FANK1: variants seen among roughly 807,000 people sequenced by gnomAD.
FANK1 encodes the protein fibronectin type III and ankyrin repeat domains 1, also known as fibronectin type 3 and ankyrin repeat domains protein 1.
FANK1 carries 44 observed loss-of-function variants against 45.3 expected under a neutral mutation model. The observed-to-expected ratio is 0.97, with a 90% CI of 0.76 to 1.25. The LOEUF is 1.25. FANK1 is among the 50% of genes most tolerant of loss of function. The probability of loss-of-function intolerance (pLI) is 0.00; values close to 1 mark genes in which losing one functional copy is unlikely to be tolerated. For synonymous variants in FANK1, 149 were observed against 152.5 expected (o/e 0.98, Z 0.17); for missense variants, 391 against 424.4 (o/e 0.92, Z 0.69).
At position 125,995,510 on chromosome 10, in the gene FANK1, CTGT is replaced by C; in HGVS notation, c.398+13_398+15del. 6.2e-7 allele frequency: 1 copy of C among 1,613,490 alleles called. No homozygotes were observed. The highest frequency in any genetic ancestry group is 8.5e-7 in the Non-Finnish European group (1 of 1,179,486). ...ATACTTCAAGGAGGGTGAGAGAACT[CTGT>C]CAGTTGTTTTTTTTCCCCCATGCCT... On this transcript the variant is annotated intron_variant, in intron 4 of 10. Coordinates refer to ENST00000368693, the MANE Select transcript of FANK1 (RefSeq NM_145235.5).
chr10:125,909,686 CTTTTTT>C (rs34854157), intron 1 of FANK1, among the ~76,000 whole-genome samples: 2 of 103,266 alleles, frequency 1.9e-5, no homozygotes, highest in Admixed American at 2.1e-4. Flanking sequence ...GACCAATTAA[CTTTTTT>C]TTTTTTTTTT....
At position 126,009,499 on chromosome 10, in the gene FANK1, A is replaced by G. The variant is rs1207365961; in HGVS notation, c.*61A>G. 3.3e-5 allele frequency: 52 copies of G among 1,561,948 alleles called. No homozygotes were observed. The highest frequency in any genetic ancestry group is 4.4e-5 in the Non-Finnish European group (50 of 1,142,106). On this transcript the variant is annotated 3_prime_UTR_variant, in exon 11 of 11. Transcript: ENST00000368693. Reference sequence around the variant, plus strand: ...CAAAGTGAACCGTGACTGTTAAACTAGGGATGGGAAATTCTGCATCTTGGG... The same window carrying G: ...CAAAGTGAACCGTGACTGTTAAACTGGGGATGGGAAATTCTGCATCTTGGG...
intron 1 of FANK1, among the ~76,000 whole-genome samples, chr10:125,951,080 C>T (rs558047125): frequency 1.8e-5 from 2 of 108,314 alleles, no homozygotes; most frequent in South Asian, 6.2e-4. Flanking sequence ...ATATCACACT[C>T]TGGGGACTGT....
Position 126,005,084 on chromosome 10 carries a change from G to A in FANK1, c.705+35G>A, listed in dbSNP as rs571486940. The A allele has an allele frequency of 3.4e-5, 53 of 1,580,162 alleles. No homozygotes were observed. In the South Asian group the frequency reaches 5.2e-4, roughly 16 times the overall value. ...CTGCCTTGTTAACCACGCACATATCGTTAAGAATCTGAAATGCTGCTCCAT... is the reference window on the plus strand; with the variant it reads ...CTGCCTTGTTAACCACGCACATATCATTAAGAATCTGAAATGCTGCTCCAT... On this transcript the variant is annotated intron_variant, in intron 7 of 10. Transcript: ENST00000368693.
intron 1 of FANK1, among the ~76,000 whole-genome samples, chr10:125,919,286 A>C (rs1279812281): frequency 7.6e-6 from 1 of 131,058 alleles, no homozygotes; most frequent in Non-Finnish European, 1.5e-5. Context: ...GCTCACTGCA[A>C]CCTCCGCTTC....
intron 1 of FANK1, among the ~76,000 whole-genome samples, chr10:125,903,663 C>CT (rs1347537823): frequency 6.8e-6 from 1 of 147,346 alleles, no homozygotes; most frequent in Non-Finnish European, 1.5e-5. Flanking sequence ...GACCCCATCT[C>CT]TAATTTTTTT....
rs34132526 is a variant in FANK1 at position 125,906,515 on chromosome 10, CAAAAAAAAAAA to C, written c.13+9879_13+9889del. On this transcript the variant is annotated intron_variant, in intron 1 of 10. Coordinates refer to ENST00000368693, the MANE Select transcript of FANK1 (RefSeq NM_145235.5). ...TTGGGGACAGAGCAAGACTCTGTCTCAAAAAAAAAAAAAAAAAAAAAAAAAAAAATTCTTAC... is the reference window on the plus strand; with the variant it reads ...TTGGGGACAGAGCAAGACTCTGTCTCAAAAAAAAAAAAAAAAAATTCTTAC... 1.2e-3 allele frequency among the ~76,000 whole-genome samples: 54 copies of C among 46,420 alleles called. 1 individual carries two copies. In the East Asian group the frequency reaches 0.014, roughly 12 times the overall value. The allele number at this position is 46,420 out of a possible 152,430, so 30.5% of individuals were successfully genotyped here. A position where few individuals can be genotyped will look rare whatever the true frequency, so the allele number is the denominator to read the frequency against.
At chr10:125,954,327 C>G (rs767799490) in intron 1 of FANK1, among the ~76,000 whole-genome samples, 11 of 152,062 alleles carry the variant, frequency 7.2e-5, no homozygotes, top group Non-Finnish European at 1.3e-4. Context: ...AAGTAGGGAA[C>G]GAAGAGCAAG....
chr10:126,005,812 A>G (rs1288042519), intron 7 of FANK1, among the ~76,000 whole-genome samples: 1 of 152,244 alleles, frequency 6.6e-6, no homozygotes, highest in Non-Finnish European at 1.5e-5. Flanking sequence ...TAGTCATTAC[A>G]AAAAATTTCC....
intron 2 of FANK1, among the ~76,000 whole-genome samples, chr10:125,982,340 G>C (rs1433221640): frequency 1.3e-5 from 2 of 152,200 alleles, no homozygotes; most frequent in African/African-American, 4.8e-5. Flanking sequence ...TGTGTTGTCT[G>C]CATTCTCCCC....
At chr10:126,009,327 C>T (rs779442735) in intron 10 of FANK1, 46 bp from the exon 11 acceptor site, 2 of 1,613,900 alleles carry the variant, frequency 1.2e-6, no homozygotes, top group African/African-American at 1.3e-5. Flanking sequence ...TCAGAAAAAC[C>T]ACCAAAACCC....
chr10:125,988,781 A>G (rs991487243), intron 3 of FANK1, 106 bp downstream of exon 3: 2 of 1,551,876 alleles, frequency 1.3e-6, no homozygotes, highest in Non-Finnish European at 1.8e-6. Context: ...AGAAGCAGAA[A>G]TGATACAATT....
At chr10:125,985,385 C>A (rs1951487422) in intron 2 of FANK1, among the ~76,000 whole-genome samples, 1 of 152,158 alleles carries the variant, frequency 6.6e-6, no homozygotes, top group Admixed American at 6.5e-5. Context: ...TCAAAATCTA[C>A]CTACTCATAA....
chr10:125,986,065 C>CT (rs1395173370), intron 2 of FANK1, among the ~76,000 whole-genome samples: 13 of 152,308 alleles, frequency 8.5e-5, no homozygotes, highest in Middle Eastern at 3.4e-3. Flanking sequence ...GAACTAGACT[C>CT]TAACTCTGGC....
chr10:126,009,533 C>CATTT lies in FANK1; in HGVS notation c.*105_*108dup. 1 of 1,317,342 alleles carries CATTT rather than the reference C, an allele frequency of 7.6e-7. No homozygotes were observed. The highest frequency in any genetic ancestry group is 1.1e-6 in the Non-Finnish European group (1 of 941,562). 81.6% of individuals were successfully genotyped at this position (1,317,342 alleles called of 1,614,324 possible). On this transcript the variant is annotated 3_prime_UTR_variant, in exon 11 of 11. Coordinates refer to ENST00000368693, the MANE Select transcript of FANK1 (RefSeq NM_145235.5). ...AAATTCTGCATCTTGGGGGGCTGTA[C>CATTT]ATTTATTTATTTAGTTGAAGATTCA...
chr10:125,972,804 CGT>C, intron 1 of FANK1: 1 of 151,662 alleles, frequency 6.6e-6, no homozygotes, highest in Admixed American at 6.6e-5. Context: ...ATTGCTGACA[CGT>C]GTGTGTGTTC....
chr10:125,990,556 C>T (rs953599060), intron 3 of FANK1, among the ~76,000 whole-genome samples: 2 of 152,166 alleles, frequency 1.3e-5, no homozygotes, highest in East Asian at 1.9e-4. Context: ...CCGAACCTTC[C>T]AGGTGAGGGT....
chr10:125,928,104 G>T (rs1947493911), intron 1 of FANK1, among the ~76,000 whole-genome samples: 1 of 152,006 alleles, frequency 6.6e-6, no homozygotes. Flanking sequence ...AAGAATTCAG[G>T]GCGAGTCCAT....
At chr10:126,006,205 A>G (rs538299735) in intron 7 of FANK1, among the ~76,000 whole-genome samples, 1 of 152,310 alleles carries the variant, frequency 6.6e-6, no homozygotes, top group African/African-American at 2.4e-5. Context: ...TGTCTCCTGG[A>G]AGATGTCAGT....
Sources: allele counts gnomAD v4.1 joint callset (sites outside exome capture counted in the v4.1 genomes callset), GRCh38; gene constraint gnomAD v4.1.1; transcripts MANE v1.5; gene names NCBI Gene and HGNC (gene_info 2026-07-23, HGNC 2026-07-21).